The following PID1 variants were observed in gnomAD, a reference collection of about 807,000 sequenced individuals.
PID1 encodes PTB-containing, cubilin and LRP1-interacting protein.
PID1 carries 10 observed loss-of-function variants against 19.1 expected under a neutral mutation model. The ratio of observed to expected loss-of-function variants is 0.52; its 90% CI spans 0.32 to 0.89. The LOEUF (loss-of-function observed/expected upper bound fraction) is 0.89, where lower values mean the gene tolerates loss of function less well. Ranked by LOEUF, PID1 falls within the 40% of genes least tolerant of loss-of-function variation. PID1 has a pLI of 0.03. For synonymous variants in PID1, 130 were observed against 116.0 expected (o/e 1.12, Z -0.78); for missense variants, 248 against 285.3 (o/e 0.87, Z 0.94).
intron 1 of PID1, among the ~76,000 whole-genome samples, chr2:229,245,590 C>T (rs1219265245): frequency 6.6e-6 from 1 of 152,162 alleles, no homozygotes; most frequent in African/African-American, 2.4e-5. Flanking sequence ...AGACAATTAG[C>T]ACTGGGGGTC....
At chr2:229,249,048 A>G (rs1690076234) in intron 1 of PID1, among the ~76,000 whole-genome samples, 2 of 152,346 alleles carry the variant, frequency 1.3e-5, no homozygotes, top group Middle Eastern at 3.4e-3. Flanking sequence ...TGCAACTCTG[A>G]ACAAGACAGA....
rs938643937 is a variant in PID1 at position 229,038,339 on chromosome 2, A to G, written c.178-12231T>C. Among the ~76,000 whole-genome samples, 19 of 152,344 alleles carry G rather than the reference A, an allele frequency of 1.2e-4. No homozygotes were observed. In the East Asian group the frequency reaches 1.5e-3, roughly 12 times the overall value. ...AACTGCGGTACATCCATATCATGGGATACCACTCAGCAATAAGAAGGAATA... is the reference window on the plus strand; with the variant it reads ...AACTGCGGTACATCCATATCATGGGGTACCACTCAGCAATAAGAAGGAATA... On this transcript the variant is annotated intron_variant, in intron 2 of 2. Coordinates refer to ENST00000392055, the MANE Select transcript of PID1 (RefSeq NM_001100818.2).
chr2:229,160,245 C>T (rs555545511), intron 1 of PID1, among the ~76,000 whole-genome samples: 195 of 152,274 alleles, frequency 1.3e-3, no homozygotes, highest in African/African-American at 4.4e-3. Flanking sequence ...AACCAAATGC[C>T]GCAACCATTG....
chr2:229,159,909 T>C (rs1215257509), intron 1 of PID1, among the ~76,000 whole-genome samples: 1 of 152,034 alleles, frequency 6.6e-6, no homozygotes, highest in Non-Finnish European at 1.5e-5. Flanking sequence ...CAGGGGACAG[T>C]GGTCTGGAAG....
intron 1 of PID1, among the ~76,000 whole-genome samples, chr2:229,217,303 T>C (rs1691868412): frequency 6.6e-6 from 1 of 152,354 alleles, no homozygotes; most frequent in South Asian, 2.1e-4. Context: ...TCTTTTAAAA[T>C]ATGAAGCTCA....
intron 1 of PID1, among the ~76,000 whole-genome samples, chr2:229,163,809 T>A (rs1401495102): frequency 6.6e-6 from 1 of 152,238 alleles, no homozygotes; most frequent in African/African-American, 2.4e-5. Flanking sequence ...TAAACCATTT[T>A]GCTATATGTA....
chr2:229,195,994 G>A (rs1691370422), intron 1 of PID1, among the ~76,000 whole-genome samples: 1 of 152,054 alleles, frequency 6.6e-6, no homozygotes, highest in African/African-American at 2.4e-5. Flanking sequence ...TCCAAGAATT[G>A]TAAAAGTGTG....
chr2:229,131,427 T>C (rs2021109), intron 2 of PID1, among the ~76,000 whole-genome samples: 120,601 of 151,892 alleles, frequency 0.79, 48,020 homozygotes, highest in East Asian at 1. Flanking sequence ...GATGGGGTTT[T>C]ACCACATTGG....
intron 2 of PID1, among the ~76,000 whole-genome samples, chr2:229,032,188 T>C (rs552942400): frequency 1.3e-4 from 20 of 152,336 alleles, no homozygotes; most frequent in Admixed American, 4.6e-4. Context: ...ATTATACCTG[T>C]ATATTTCTAT....
chr2:229,204,735 C>T (rs1281187414), intron 1 of PID1, among the ~76,000 whole-genome samples: 1 of 152,024 alleles, frequency 6.6e-6, no homozygotes, highest in Non-Finnish European at 1.5e-5. Context: ...GGCTTTGTAA[C>T]CTCAGAACAG....
intron 2 of PID1, among the ~76,000 whole-genome samples, chr2:229,042,849 T>C (rs1344010012): frequency 6.6e-6 from 1 of 152,148 alleles, no homozygotes; most frequent in Non-Finnish European, 1.5e-5. Flanking sequence ...ACTGTGACAA[T>C]TTGACAATAT....
chr2:229,264,666 A>G (rs1257509611), intron 1 of PID1, among the ~76,000 whole-genome samples: 2 of 152,232 alleles, frequency 1.3e-5, no homozygotes, highest in East Asian at 1.9e-4. Context: ...GGTCATTAAC[A>G]TACTGGTTCT....
chr2:229,106,264 A>T (rs981616750), intron 2 of PID1, among the ~76,000 whole-genome samples: 1 of 152,178 alleles, frequency 6.6e-6, no homozygotes, highest in African/African-American at 2.4e-5. Flanking sequence ...ATAAAAATCC[A>T]GTAACTATTC....
intron 2 of PID1, among the ~76,000 whole-genome samples, chr2:229,125,031 T>A (rs897125736): frequency 1.3e-5 from 2 of 152,202 alleles, no homozygotes; most frequent in Non-Finnish European, 2.9e-5. Flanking sequence ...TGTGTATGAC[T>A]ATTTACCAAT....
chr2:229,086,013 T>TA (rs1236875643), intron 2 of PID1, among the ~76,000 whole-genome samples: 2 of 152,160 alleles, frequency 1.3e-5, no homozygotes, highest in African/African-American at 4.8e-5. Context: ...ATTGACCCTG[T>TA]AATACATACC....
At chr2:229,231,868 T>C in intron 1 of PID1, 4 of 1,548,226 alleles carry the variant, frequency 2.6e-6, no homozygotes, top group Non-Finnish European at 3.5e-6. Flanking sequence ...TGTGCTGCTA[T>C]AACGAAATAC....
intron 1 of PID1, among the ~76,000 whole-genome samples, chr2:229,259,257 A>G (rs1690393117): frequency 6.6e-6 from 1 of 152,072 alleles, no homozygotes; most frequent in South Asian, 2.1e-4. Flanking sequence ...TTTATCCTAG[A>G]TCTAAATCCT....
intron 2 of PID1, among the ~76,000 whole-genome samples, chr2:229,084,396 G>T (rs1381267898): frequency 2.6e-5 from 4 of 152,154 alleles, no homozygotes; most frequent in Non-Finnish European, 5.9e-5. Context: ...CCAATAAGTG[G>T]CAGGAAAAGT....
chr2:229,061,368 C>T (rs183686439), intron 2 of PID1, among the ~76,000 whole-genome samples: 13 of 151,978 alleles, frequency 8.6e-5, no homozygotes, highest in Admixed American at 6.6e-4. Context: ...GATTGCCTTT[C>T]TCCATTGCGT....
Sources: allele counts gnomAD v4.1 joint callset (sites outside exome capture counted in the v4.1 genomes callset), GRCh38; gene constraint gnomAD v4.1.1; transcripts MANE v1.5; gene names NCBI Gene and HGNC (gene_info 2026-07-23, HGNC 2026-07-21).